Variants in PRDM15 observed in about 807,000 individuals in gnomAD.
The protein encoded by PRDM15 is PR domain zinc finger protein 15.
A neutral mutation model predicts 128.6 loss-of-function variants in PRDM15; 64 were observed. That is an observed-to-expected ratio of 0.50 (90% CI 0.41 to 0.61). The LOEUF is 0.61. Among genes scored for constraint, PRDM15 ranks in the 20% least tolerant of loss-of-function variants. The pLI is 0.00. For missense variants in PRDM15, 1,242 were observed against 1,569.1 expected, an observed-to-expected ratio of 0.79 and a Z score of 3.52; for synonymous variants, 615 against 621.8, an observed-to-expected ratio of 0.99 and a Z score of 0.16.
chr21:41,871,566 TC>T (rs2064213142), intron 1 of PRDM15: 1 of 1,612,162 alleles, frequency 6.2e-7, no homozygotes, highest in African/African-American at 1.3e-5. Flanking sequence ...GACACCTCAT[TC>T]CCTAGAGATG....
chr21:41,840,795 A>T (rs1441495186), intron 6 of PRDM15, among the ~76,000 whole-genome samples: 4 of 151,568 alleles, frequency 2.6e-5, no homozygotes, highest in Admixed American at 6.6e-5. Context: ...AACACATATT[A>T]AAAAAAAGCA....
chr21:41,837,701 A>G (rs2062941140), intron 8 of PRDM15, among the ~76,000 whole-genome samples: 1 of 152,166 alleles, frequency 6.6e-6, no homozygotes, highest in Non-Finnish European at 1.5e-5. Context: ...ATGCATATTT[A>G]ACCAAAATAA....
chr21:41,806,442 T>TCACCACCACCAC (rs1320731514), intron 21 of PRDM15, among the ~76,000 whole-genome samples: 1 of 8,768 alleles, frequency 1.1e-4, no homozygotes, highest in Admixed American at 1.8e-3. Context: ...ACCACCACCA[T>TCACCACCACCAC]CACCACCACC....
Position 41,832,009 on chromosome 21 carries a change from T to C in PRDM15, c.1366+3428A>G, listed in dbSNP as rs549073955. On this transcript the variant is annotated intron_variant, in intron 11 of 23. Coordinates refer to ENST00000398548, the MANE Select transcript of PRDM15 (RefSeq NM_001040424.3). The surrounding 1 kb of genome is among the most constrained non-coding windows in gnomAD (Gnocchi z 4.2). ...CTCAGTTTCGTTTTGGCTTAAGATT[T>C]GATGGGCTCTGTCCGGATCCACACG... Among the ~76,000 whole-genome samples, 3 of 151,750 alleles carry C rather than the reference T, an allele frequency of 2.0e-5. No individual in the cohort carries two copies. The South Asian group carries it at 6.2e-4, about 32-fold the overall frequency.
At chr21:41,819,997 G>T in intron 17 of PRDM15, 98 bp downstream of exon 17, 1 of 1,044,322 alleles carries the variant, frequency 9.6e-7, no homozygotes, top group Non-Finnish European at 1.4e-6. Flanking sequence ...GGCAAGGTGC[G>T]ACGGCTCTGT....
chr21:41,865,119 T>C (rs1243023598), intron 1 of PRDM15, among the ~76,000 whole-genome samples: 1 of 125,176 alleles, frequency 8.0e-6, no homozygotes, highest in Non-Finnish European at 1.7e-5. Context: ...CTGCCATGCC[T>C]GCTCACTCCT....
chr21:41,843,169 T>C (rs1204646464), intron 6 of PRDM15, among the ~76,000 whole-genome samples: 1 of 152,210 alleles, frequency 6.6e-6, no homozygotes, highest in African/African-American at 2.4e-5. Flanking sequence ...TGGAGTTAAT[T>C]AATGCCTTAC....
chr21:41,810,846 A>C lies in PRDM15; in HGVS notation c.2393-10T>G, dbSNP rs1568896143. 1 of 1,613,494 alleles carries C rather than the reference A, an allele frequency of 6.2e-7. No homozygotes were observed. Among genetic ancestry groups the C allele is most frequent in the Admixed American group, 1.7e-5 (1 of 60,022 alleles). On this transcript the variant is annotated splice_polypyrimidine_tract_variant and intron_variant, in intron 19 of 23. Coordinates refer to ENST00000398548, the MANE Select transcript of PRDM15 (RefSeq NM_001040424.3). This position sits in a 1 kb window ranked among gnomAD's most constrained non-coding sequence, Gnocchi z 6.4. ...ATGAAATCTTTAATCCCTGCAGAGA[A>C]AGGCGCACATAACTTCCTACGTTTA...
chr21:41,821,024 C>T lies in PRDM15; in HGVS notation c.2060+43G>A. On this transcript the variant is annotated intron_variant, in intron 16 of 23. Transcript: ENST00000398548. The surrounding 1 kb of genome is among the most constrained non-coding windows in gnomAD (Gnocchi z 5.4). ...TGTCTCTTTGCAAGGAAGCATGTCC[C>T]CTCTCTCCTGACACAACCCGGGAGC... 6.2e-7 allele frequency: 1 copy of T among 1,612,608 alleles called. No homozygotes were observed. The highest frequency in any genetic ancestry group is 8.5e-7 in the Non-Finnish European group (1 of 1,178,692).
rs72559389 is a variant in PRDM15 at position 41,857,172 on chromosome 21, T to TC, written c.285+3_285+4insG. On this transcript the variant is annotated splice_donor_region_variant and intron_variant, in intron 4 of 23. Coordinates refer to ENST00000398548, the MANE Select transcript of PRDM15 (RefSeq NM_001040424.3). ...CTGAGCTCCTGTTTGGCAACAGCCT[T>TC]TACCTTCAGGGGAAATGCAGACTCC... 2 of 1,610,912 alleles carry TC rather than the reference T, an allele frequency of 1.2e-6. No individual in the cohort carries two copies. Among genetic ancestry groups the TC allele is most frequent in the Non-Finnish European group, 1.7e-6 (2 of 1,178,102 alleles).
Position 41,879,247 on chromosome 21 carries a change from G to A in PRDM15, c.-10+23C>T, listed in dbSNP as rs772503930. On this transcript the variant is annotated intron_variant, in intron 1 of 23. Coordinates refer to ENST00000398548, the MANE Select transcript of PRDM15 (RefSeq NM_001040424.3). The surrounding 1 kb of genome is among the most constrained non-coding windows in gnomAD (Gnocchi z 5.1). ...CGGGGCGCACGCCGGGGCGGGCGGC[G>A]GGCGCAGGGCCCGGAGCTTTACCTG... 6 of 934,902 alleles carry A rather than the reference G, an allele frequency of 6.4e-6. No homozygotes were observed. In the Admixed American group the frequency reaches 2.4e-4, roughly 37 times the overall value. 57.9% of individuals were successfully genotyped at this position (934,902 alleles called of 1,614,324 possible). A position where few individuals can be genotyped will look rare whatever the true frequency, so the allele number is the denominator to read the frequency against.
intron 19 of PRDM15, among the ~76,000 whole-genome samples, chr21:41,815,448 T>A (rs2062016814): frequency 6.6e-6 from 1 of 152,206 alleles, no homozygotes; most frequent in Non-Finnish European, 1.5e-5. Flanking sequence ...GAGGAACATT[T>A]AAAGACTGAC....
chr21:41,817,631 C>G (rs766886390), intron 18 of PRDM15, among the ~76,000 whole-genome samples: 2 of 151,992 alleles, frequency 1.3e-5, no homozygotes, highest in Non-Finnish European at 2.9e-5. Flanking sequence ...ATGAATCGTA[C>G]GAAGGGCTTG....
In PRDM15 at chr21:41,810,710, T is replaced by C. The variant is rs1466513147; in HGVS notation, c.2476+43A>G. 1 of 1,537,248 alleles carries C rather than the reference T, an allele frequency of 6.5e-7. No individual in the cohort carries two copies. Among genetic ancestry groups the C allele is most frequent in the South Asian group, 1.1e-5 (1 of 89,570 alleles). On this transcript the variant is annotated intron_variant, in intron 20 of 23. Coordinates refer to ENST00000398548, the MANE Select transcript of PRDM15 (RefSeq NM_001040424.3). The surrounding 1 kb of genome is among the most constrained non-coding windows in gnomAD (Gnocchi z 6.4). ...AGGCACTCAGACAGCCCCGGCAGCC[T>C]GCCGCGTGCGCCCCGAAGGCTCCTT...
intron 8 of PRDM15, chr21:41,837,053 A>G (rs1406976173): frequency 6.4e-6 from 1 of 155,638 alleles, no homozygotes; most frequent in Non-Finnish European, 1.4e-5. Context: ...TTTGATGGTA[A>G]GCCACCTGAA....
At chr21:41,806,054 C>CCAT (rs1568880142) in intron 21 of PRDM15, among the ~76,000 whole-genome samples, 8 of 69,712 alleles carry the variant, frequency 1.1e-4, no homozygotes, top group Admixed American at 9.4e-4. Flanking sequence ...ATCACCACCA[C>CCAT]CACCATCACC....
rs1485231655 is a variant in PRDM15 at position 41,821,046 on chromosome 21, G to A, written c.2060+21C>T. On this transcript the variant is annotated intron_variant, in intron 16 of 23. Coordinates refer to ENST00000398548, the MANE Select transcript of PRDM15 (RefSeq NM_001040424.3). The surrounding 1 kb of genome is among the most constrained non-coding windows in gnomAD (Gnocchi z 5.4). ...TCCCCTCTCTCCTGACACAACCCGG[G>A]AGCCCCCGACCAGGCCTCACTTCTG... 2 of 1,613,962 alleles carry A rather than the reference G, an allele frequency of 1.2e-6. No individual in the cohort carries two copies. The highest frequency in any genetic ancestry group is 1.3e-5 in the African/African-American group (1 of 74,898).
At chr21:41,835,029 G>A (rs1213411989) in intron 11 of PRDM15, among the ~76,000 whole-genome samples, 1 of 152,202 alleles carries the variant, frequency 6.6e-6, no homozygotes, top group Non-Finnish European at 1.5e-5. Context: ...AGGGCTCGCG[G>A]TTAGGAACAA....
intron 7 of PRDM15, among the ~76,000 whole-genome samples, chr21:41,838,872 A>G (rs567078905): frequency 3.9e-5 from 6 of 152,340 alleles, no homozygotes; most frequent in South Asian, 4.1e-4. Flanking sequence ...TCACTCTCAT[A>G]AAAGAAATCC....
Sources: gnomAD v4.1 joint callset for allele counts (sites outside exome capture counted in the v4.1 genomes callset) on GRCh38, gnomAD v4.1.1 for gene constraint, Gnocchi (gnomAD v3.1) non-coding constraint, MANE v1.5 for transcripts, NCBI Gene and HGNC (gene_info 2026-07-23, HGNC 2026-07-21) for gene names.